The following CTNND2 variants were observed in gnomAD, a reference collection of about 807,000 sequenced individuals.
CTNND2 encodes the protein catenin delta 2.
CTNND2 carries 22 observed loss-of-function variants against 144.4 expected under a neutral mutation model. The ratio of observed to expected loss-of-function variants is 0.15; its 90% CI spans 0.11 to 0.22. The LOEUF is 0.22. Among genes scored for constraint, CTNND2 ranks in the 10% least tolerant of loss-of-function variants. The probability of loss-of-function intolerance (pLI) is 1.00; values close to 1 mark genes in which losing one functional copy is unlikely to be tolerated. For synonymous variants in CTNND2, 751 were observed against 695.6 expected, an observed-to-expected ratio of 1.08 and a Z score of -1.25; for missense variants, 1,353 against 1,618.8, an observed-to-expected ratio of 0.84 and a Z score of 2.82.
chr5:11,070,027 A>G (rs1469381761), intron 16 of CTNND2, among the ~76,000 whole-genome samples: 1 of 152,242 alleles, frequency 6.6e-6, no homozygotes, highest in Non-Finnish European at 1.5e-5. Context: ...ACTTCAGTCT[A>G]TTCAAATCTT....
chr5:11,732,074 T>C, intron 2 of CTNND2, 62 bp downstream of exon 2: 1 of 1,536,084 alleles, frequency 6.5e-7, no homozygotes, highest in South Asian at 1.2e-5. Context: ...TTAACGTTCA[T>C]CTAGAAAAAC....
intron 5 of CTNND2, among the ~76,000 whole-genome samples, chr5:11,400,858 G>A (rs1760581579): frequency 6.6e-6 from 1 of 152,246 alleles, no homozygotes; most frequent in Non-Finnish European, 1.5e-5. Context: ...GTAACATGAA[G>A]AGGCTTGGAT....
intron 2 of CTNND2, among the ~76,000 whole-genome samples, chr5:11,671,268 C>T (rs955108083): frequency 6.6e-6 from 1 of 152,044 alleles, no homozygotes; most frequent in Non-Finnish European, 1.5e-5. Flanking sequence ...GGTTGCTCTT[C>T]TTGAGGAACA....
At chr5:11,577,516 T>C (rs1778061812) in intron 2 of CTNND2, among the ~76,000 whole-genome samples, 1 of 152,068 alleles carries the variant, frequency 6.6e-6, no homozygotes, top group African/African-American at 2.4e-5. Context: ...AGACGGACAA[T>C]GGGAGATTAT....
chr5:11,514,992 A>G (rs1050244533), intron 3 of CTNND2, among the ~76,000 whole-genome samples: 10 of 152,072 alleles, frequency 6.6e-5, no homozygotes, highest in African/African-American at 2.2e-4. Context: ...TTGCATCACA[A>G]TAATGAAAAG....
intron 16 of CTNND2, among the ~76,000 whole-genome samples, chr5:11,029,251 C>T (rs1017334796): frequency 1.2e-4 from 19 of 152,156 alleles, no homozygotes; most frequent in African/African-American, 1.7e-4. Context: ...CAATCTCTGT[C>T]TTTGATTGGA....
intron 1 of CTNND2, among the ~76,000 whole-genome samples, chr5:11,867,935 A>G (rs963508499): frequency 6.6e-6 from 1 of 151,026 alleles, no homozygotes; most frequent in Non-Finnish European, 1.5e-5. Flanking sequence ...AAGGCACATC[A>G]GATTGTTTTT....
intron 3 of CTNND2, among the ~76,000 whole-genome samples, chr5:11,551,432 C>CTTTTTTTTTTTTTTTTTTTTTTTTTTTT (rs70949326): frequency 9.9e-6 from 1 of 100,920 alleles, no homozygotes; most frequent in Non-Finnish European, 2.0e-5. Flanking sequence ...TTTCTTTTTT[C>CTTTTTTTTTTTTTTTTTTTTTTTTTTTT]TTTTTTTTTT....
At chr5:11,291,939 T>C (rs1020340807) in intron 9 of CTNND2, among the ~76,000 whole-genome samples, 2 of 152,004 alleles carry the variant, frequency 1.3e-5, no homozygotes, top group African/African-American at 2.4e-5. Context: ...ATACAAAGTT[T>C]CCCTAAATTT....
chr5:11,538,825 T>C (rs1191836052), intron 3 of CTNND2, among the ~76,000 whole-genome samples: 1 of 152,216 alleles, frequency 6.6e-6, no homozygotes, highest in East Asian at 1.9e-4. Context: ...CACAGGATGT[T>C]ATTTTTAATG....
chr5:11,610,294 T>G (rs1351400250), intron 2 of CTNND2, among the ~76,000 whole-genome samples: 2 of 152,190 alleles, frequency 1.3e-5, no homozygotes, highest in African/African-American at 4.8e-5. Context: ...TTGAAAAGCT[T>G]CATCTCGCCT....
Position 11,173,598 on chromosome 5 carries a change from T to C in CTNND2, c.1976-13839A>G, listed in dbSNP as rs16901352. On this transcript the variant is annotated intron_variant, in intron 11 of 21. Transcript: ENST00000304623. ...CCAAGTGCAGTGGGAGGGATACCATTAAGCAGGTAACTGTCATAATTGGGT... is the reference window on the plus strand; with the variant it reads ...CCAAGTGCAGTGGGAGGGATACCATCAAGCAGGTAACTGTCATAATTGGGT... Among the ~76,000 whole-genome samples, 658 of 152,270 alleles carry C rather than the reference T, an allele frequency of 4.3e-3. 5 individuals carry two copies. The highest frequency in any genetic ancestry group is 0.015 in the African/African-American group (621 of 41,536).
chr5:11,807,977 T>C (rs1019426940), intron 1 of CTNND2, among the ~76,000 whole-genome samples: 2 of 152,168 alleles, frequency 1.3e-5, no homozygotes, highest in African/African-American at 4.8e-5. Context: ...ATATAGTCTA[T>C]CAGTAATAGT....
intron 2 of CTNND2, among the ~76,000 whole-genome samples, chr5:11,694,456 A>G (rs1314443206): frequency 2.6e-5 from 4 of 152,010 alleles, no homozygotes; most frequent in African/African-American, 7.2e-5. Flanking sequence ...AAGAAAATGA[A>G]AAAAACAAAA....
chr5:11,011,172 G>A (rs1395889896), intron 18 of CTNND2, among the ~76,000 whole-genome samples: 2 of 152,150 alleles, frequency 1.3e-5, no homozygotes, highest in Non-Finnish European at 2.9e-5. Flanking sequence ...TGATCTACCT[G>A]TGATTTGATC....
chr5:11,052,384 C>CATCACTTA (rs1453412247), intron 16 of CTNND2, among the ~76,000 whole-genome samples: 1 of 152,144 alleles, frequency 6.6e-6, no homozygotes, highest in East Asian at 1.9e-4. Flanking sequence ...GTTTTATTAC[C>CATCACTTA]ATCACTTAAT....
intron 3 of CTNND2, among the ~76,000 whole-genome samples, chr5:11,436,054 T>C (rs1428552402): frequency 6.6e-6 from 1 of 151,698 alleles, no homozygotes; most frequent in East Asian, 2.0e-4. Flanking sequence ...TGCCTCTGAG[T>C]ACTACAGGCA....
At chr5:10,996,659 C>T (rs766789185) in intron 18 of CTNND2, among the ~76,000 whole-genome samples, 1 of 152,056 alleles carries the variant, frequency 6.6e-6, no homozygotes, top group African/African-American at 2.4e-5. Flanking sequence ...AGTGCAATGG[C>T]GTGATCTTGG....
chr5:11,821,295 G>A (rs575126931), intron 1 of CTNND2, among the ~76,000 whole-genome samples: 71 of 152,262 alleles, frequency 4.7e-4, no homozygotes, highest in African/African-American at 1.6e-3. Flanking sequence ...GTATTTAAAT[G>A]TGTAGTCTGT....
Sources: allele counts gnomAD v4.1 joint callset (sites outside exome capture counted in the v4.1 genomes callset), GRCh38; gene constraint gnomAD v4.1.1; transcripts MANE v1.5; gene names NCBI Gene and HGNC (gene_info 2026-07-23, HGNC 2026-07-21).